Variants in ACAD9 observed in about 807,000 individuals in gnomAD.
The protein encoded by ACAD9 is acyl-CoA dehydrogenase family member 9, also known as complex I assembly factor ACAD9, mitochondrial.
ACAD9 carries 53 observed loss-of-function variants against 70.2 expected under a neutral mutation model. The ratio of observed to expected loss-of-function variants is 0.75; its 90% CI spans 0.61 to 0.95. The LOEUF (loss-of-function observed/expected upper bound fraction) is 0.95. ACAD9 is among the 40% of genes least tolerant of loss of function. The pLI, the probability that ACAD9 is intolerant of heterozygous loss-of-function variation, is 0.00. For missense variants in ACAD9, 777 were observed against 802.8 expected (o/e 0.97, Z 0.39); for synonymous variants, 313 against 312.1 (o/e 1.00, Z -0.03).
At chr3:128,892,223 TC>T (rs1935441203) in intron 2 of ACAD9, among the ~76,000 whole-genome samples, 6 of 152,198 alleles carry the variant, frequency 3.9e-5, no homozygotes, top group Non-Finnish European at 7.3e-5. Context: ...GACAAATATG[TC>T]AGAACTCAAC....
intron 13 of ACAD9, 37 bp from the exon 14 acceptor site, chr3:128,908,936 C>T (rs1402806106): frequency 3.7e-6 from 6 of 1,613,696 alleles, no homozygotes; most frequent in East Asian, 2.2e-5. Flanking sequence ...GCGCCAGCAG[C>T]GAGGCCTCCA....
Position 128,899,384 on chromosome 3 carries a change from C to T in ACAD9, c.731C>T (p.Ala244Val), listed in dbSNP as rs973497987. Residue 244 changes from alanine to valine, a missense_variant, in exon 7 of 18, where the codon GCA (alanine) becomes GTA (valine). Transcript: ENST00000308982. ...SDGSVKDKIT[A>V]FIVERDFGGV... ...GGATCAGTGAAAGACAAAATCACAG[C>T]ATTCATAGTAGAAAGAGACTTTGGT... The T allele has an allele frequency of 1.9e-6, 3 of 1,614,256 alleles. No homozygotes were observed. Among genetic ancestry groups the T allele is most frequent in the Non-Finnish European group, 2.5e-6 (3 of 1,180,046 alleles).
At position 128,909,347 on chromosome 3, in the gene ACAD9, A is replaced by G. The variant is rs1936037319; in HGVS notation, c.1489A>G (p.Ser497Gly). ...HGVVHPSLAD[S>G]ANKFEENTYC... ...TGAGTCCTGTCTTGGTTAATAGGAC[A>G]GTGCCAACAAGTTTGAGGAGAACAC... The change falls in exon 15 of 18, where the codon AGT becomes GGT. Residue 497 changes from serine (S) to glycine (G), a missense_variant. Transcript: ENST00000308982. 6.2e-7 allele frequency: 1 copy of G among 1,614,220 alleles called. No homozygotes were observed. The highest frequency in any genetic ancestry group is 8.5e-7 in the Non-Finnish European group (1 of 1,180,044).
rs1034230723 is a variant in ACAD9 at position 128,908,222 on chromosome 3, C to T, written c.1316C>T (p.Thr439Met). Residue 439 changes from threonine (T) to methionine (M), a missense_variant, in exon 13 of 18, where the codon ACG (threonine) becomes ATG (methionine). Physicochemically the swap from Thr to Met is moderately conservative, Grantham distance 81 (BLOSUM62 -1). Transcript: ENST00000308982. ...ATTCTCCGGATGTACATCGCCCTGA[C>T]GGGTCTGCAGCATGCCGGCCGCATC... ...NEILRMYIAL[T>M]GLQHAGRILT... The T allele has an allele frequency of 1.4e-5, 22 of 1,614,056 alleles. No individual in the cohort carries two copies. The highest frequency in any genetic ancestry group is 1.9e-5 in the Non-Finnish European group (22 of 1,180,034).
chr3:128,889,212 C>T (rs1391143528), intron 2 of ACAD9, among the ~76,000 whole-genome samples: 1 of 151,732 alleles, frequency 6.6e-6, no homozygotes. Context: ...TGGGGTTTCA[C>T]TGTGTTGCCC....
intron 10 of ACAD9, 74 bp downstream of exon 10, chr3:128,904,206 T>A (rs574863499): frequency 1.3e-5 from 20 of 1,579,454 alleles, no homozygotes; most frequent in Non-Finnish European, 1.7e-5. Context: ...GATGTCTCTG[T>A]ACTGGTGACT....
At chr3:128,903,631 C>A (rs1003148779) in intron 9 of ACAD9, among the ~76,000 whole-genome samples, 24 of 152,226 alleles carry the variant, frequency 1.6e-4, no homozygotes, top group Non-Finnish European at 7.3e-5. Flanking sequence ...TCAAGCCAGG[C>A]GGCCCCACCT....
chr3:128,879,994 C>G, intron 1 of ACAD9, 153 bp downstream of exon 1: 1 of 1,550,936 alleles, frequency 6.4e-7, no homozygotes, highest in Non-Finnish European at 8.7e-7. Context: ...TCCTGAGTTC[C>G]AGGAAAACCT....
At chr3:128,910,834 G>A in intron 17 of ACAD9, 21 bp downstream of exon 17, 2 of 1,613,788 alleles carry the variant, frequency 1.2e-6, no homozygotes, top group South Asian at 1.1e-5. Context: ...TGTCTTGGGG[G>A]AGGGAAGGAA....
chr3:128,880,035 C>CG (rs776072810), intron 1 of ACAD9, 194 bp downstream of exon 1: 1 of 1,536,866 alleles, frequency 6.5e-7, no homozygotes, highest in Non-Finnish European at 8.8e-7. Context: ...ATTTCCAAGA[C>CG]GGGGGACCCT....
chr3:128,904,079 G>C lies in ACAD9; in HGVS notation c.976G>C (p.Ala326Pro), dbSNP rs115532916. 1.3e-4 allele frequency: 206 copies of C among 1,614,058 alleles called. No individual in the cohort carries two copies. The highest frequency in any genetic ancestry group is 1.7e-4 in the Non-Finnish European group (201 of 1,180,030). ...KRLIEMTAEY[A>P]CTRKQFNKRL... ...TTCCTCAGAAATGACTGCTGAGTAC[G>C]CCTGCACAAGGAAACAGTTTAACAA... The change falls in exon 10 of 18, where the codon GCC becomes CCC. Residue 326 changes from alanine to proline, a missense_variant. Transcript: ENST00000308982.
chr3:128,886,260 G>A (rs1935242332), intron 2 of ACAD9, among the ~76,000 whole-genome samples: 1 of 150,728 alleles, frequency 6.6e-6, no homozygotes. Context: ...GCACCACCAC[G>A]CCCGGGTAAT....
At position 128,912,718 on chromosome 3, in the gene ACAD9, G is replaced by T. The variant is rs550331774; in HGVS notation, c.*111G>T. ...GGGATTATCACAGGTTAAGCCTTTTGTTCCCCGTCTGCACCTGAAGGGTTG... is the reference window on the plus strand; with the variant it reads ...GGGATTATCACAGGTTAAGCCTTTTTTTCCCCGTCTGCACCTGAAGGGTTG... On this transcript the variant is annotated 3_prime_UTR_variant, in exon 18 of 18. Coordinates refer to ENST00000308982, the MANE Select transcript of ACAD9 (RefSeq NM_014049.5). The T allele has an allele frequency of 1.9e-6, 2 of 1,043,930 alleles. No homozygotes were observed. The highest frequency in any genetic ancestry group is 2.4e-5 in the East Asian group (1 of 41,904). 64.7% of individuals were successfully genotyped at this position (1,043,930 alleles called of 1,614,324 possible). A position where few individuals can be genotyped will look rare whatever the true frequency, so the allele number is the denominator to read the frequency against.
intron 17 of ACAD9, among the ~76,000 whole-genome samples, chr3:128,911,862 C>A (rs1936364590): frequency 6.6e-6 from 1 of 152,234 alleles, no homozygotes; most frequent in Non-Finnish European, 1.5e-5. Context: ...TCCAAAATGA[C>A]CCTGCAGTGC....
rs1559827043 is a variant in ACAD9 at position 128,902,278 on chromosome 3, A to G, written c.883-275A>G. Among the ~76,000 whole-genome samples the G allele has an allele frequency of 1.3e-5, 2 of 152,224 alleles. No homozygotes were observed. The highest frequency in any genetic ancestry group is 2.4e-5 in the African/African-American group (1 of 41,454). On this transcript the variant is annotated intron_variant, in intron 8 of 17. Transcript: ENST00000308982. This position sits in a 1 kb window ranked among gnomAD's most constrained non-coding sequence, Gnocchi z 4.0. The stretch of plus-strand genomic sequence containing the variant: ...GGTCTTGAACTCCTGGGCTCAAGCG[A>G]TCCTCTTGCCTTGGCCTTCCAAAAT...
chr3:128,902,719 C>T lies in ACAD9; in HGVS notation c.958+91C>T. On this transcript the variant is annotated intron_variant, in intron 9 of 17. Coordinates refer to ENST00000308982, the MANE Select transcript of ACAD9 (RefSeq NM_014049.5). This position sits in a 1 kb window ranked among gnomAD's most constrained non-coding sequence, Gnocchi z 4.0. The stretch of plus-strand genomic sequence containing the variant: ...GCTCTGCCATTCCCCCGGCCCCTTC[C>T]AGGCCAGTGCTGAACCAGGCTACCA... The T allele has an allele frequency of 7.1e-7, 1 of 1,408,502 alleles. No individual in the cohort carries two copies. Among genetic ancestry groups the T allele is most frequent in the East Asian group, 2.4e-5 (1 of 40,962 alleles). The allele number at this position is 1,408,502 out of a possible 1,614,324, so 87.3% of individuals were successfully genotyped here.
At position 128,910,160 on chromosome 3, in the gene ACAD9, C is replaced by T. The variant is rs1041091555; in HGVS notation, c.1692+11C>T. On this transcript the variant is annotated intron_variant, in intron 16 of 17. Transcript: ENST00000308982. ...AACCACGACCACGAGGTGAGCCCAG[C>T]CCAGCCTCACACAGGGCCTGGCTGC... The T allele has an allele frequency of 6.2e-7, 1 of 1,613,982 alleles. No homozygotes were observed. The highest frequency in any genetic ancestry group is 8.5e-7 in the Non-Finnish European group (1 of 1,180,054).
intron 1 of ACAD9, 126 bp downstream of exon 1, chr3:128,879,967 G>T: frequency 6.4e-7 from 1 of 1,564,160 alleles, no homozygotes; most frequent in Non-Finnish European, 8.7e-7. Flanking sequence ...CGGCCGAGGC[G>T]TGTTAACACT....
At chr3:128,885,618 C>G (rs977172391) in intron 2 of ACAD9, among the ~76,000 whole-genome samples, 1 of 152,186 alleles carries the variant, frequency 6.6e-6, no homozygotes, top group African/African-American at 2.4e-5. Context: ...GGTCTCTACT[C>G]CTAGGCTCAA....
Sources: allele counts gnomAD v4.1 joint callset (sites outside exome capture counted in the v4.1 genomes callset), GRCh38; gene constraint gnomAD v4.1.1; non-coding constraint Gnocchi (gnomAD v3.1); transcripts MANE v1.5; gene names NCBI Gene and HGNC (gene_info 2026-07-23, HGNC 2026-07-21).